STRIP2: variants seen among roughly 807,000 people sequenced by gnomAD.
The protein encoded by STRIP2 is striatin interacting protein 2.
In STRIP2, 84 loss-of-function variants were observed where a neutral mutation model predicts 107.1. The observed-to-expected ratio is 0.78, with a 90% CI of 0.66 to 0.94. The LOEUF is 0.94. Ranked by LOEUF, STRIP2 falls within the 40% of genes least tolerant of loss-of-function variation. STRIP2 has a pLI of 0.00. For synonymous variants in STRIP2, 394 were observed against 400.4 expected (o/e 0.98, Z 0.19); for missense variants, 888 against 1,034.2 (o/e 0.86, Z 1.94).
At chr7:129,468,910 C>T (rs1798731425) in intron 17 of STRIP2, among the ~76,000 whole-genome samples, 1 of 152,166 alleles carries the variant, frequency 6.6e-6, no homozygotes, top group African/African-American at 2.4e-5. Flanking sequence ...TGTAAGACAC[C>T]AGGCCTCTGT....
intron 3 of STRIP2, among the ~76,000 whole-genome samples, chr7:129,450,838 A>G (rs1335169028): frequency 1.3e-5 from 2 of 151,302 alleles, no homozygotes; most frequent in African/African-American, 4.9e-5. Context: ...CCCTCATCCA[A>G]GAGAAAAATG....
intron 1 of STRIP2, among the ~76,000 whole-genome samples, chr7:129,436,568 G>A (rs1359663220): frequency 2.6e-5 from 4 of 152,218 alleles, no homozygotes; most frequent in Non-Finnish European, 5.9e-5. Context: ...TGGCTGGAAA[G>A]ATTAGCTTTC....
intron 9 of STRIP2, among the ~76,000 whole-genome samples, chr7:129,457,531 T>C (rs1356127040): frequency 6.6e-6 from 1 of 152,232 alleles, no homozygotes; most frequent in Non-Finnish European, 1.5e-5. Flanking sequence ...CAAACTCCCC[T>C]GCCTGACCCA....
intron 17 of STRIP2, 36 bp downstream of exon 17, chr7:129,467,486 T>A: frequency 6.6e-7 from 1 of 1,510,210 alleles, no homozygotes. Context: ...CAAGGGGCTA[T>A]TTTGGGGTGG....
intron 3 of STRIP2, among the ~76,000 whole-genome samples, chr7:129,446,230 T>C (rs1798030628): frequency 6.6e-6 from 1 of 152,106 alleles, no homozygotes. Context: ...GGTCATCCTA[T>C]CCACTTGATT....
intron 1 of STRIP2, among the ~76,000 whole-genome samples, chr7:129,435,394 T>G (rs1441714836): frequency 6.6e-6 from 1 of 152,190 alleles, no homozygotes; most frequent in African/African-American, 2.4e-5. Context: ...GGGATCAGAA[T>G]AGACGACAAA....
In STRIP2 at chr7:129,486,396, T is replaced by C. The variant is rs1799244307; in HGVS notation, c.*567T>C. 6.4e-6 allele frequency: 1 copy of C among 156,852 alleles called. No homozygotes were observed. The highest frequency in any genetic ancestry group is 2.4e-5 in the African/African-American group (1 of 41,472). 9.7% of individuals were successfully genotyped at this position (156,852 alleles called of 1,614,324 possible). On this transcript the variant is annotated 3_prime_UTR_variant, in exon 21 of 21. Transcript: ENST00000249344. Reference sequence around the variant, plus strand: ...TGATGATTTACTATTCCCTCAATACTGCATGTTATCGAAAAGTGTGTTGTG... The same window carrying C: ...TGATGATTTACTATTCCCTCAATACCGCATGTTATCGAAAAGTGTGTTGTG...
At chr7:129,435,708 G>A (rs1249817049) in intron 1 of STRIP2, among the ~76,000 whole-genome samples, 1 of 152,172 alleles carries the variant, frequency 6.6e-6, no homozygotes, top group African/African-American at 2.4e-5. Flanking sequence ...ACTATAAAAT[G>A]TTTGGCACAG....
chr7:129,482,331 A>G (rs1430654064), intron 19 of STRIP2, among the ~76,000 whole-genome samples: 1 of 140,026 alleles, frequency 7.1e-6, no homozygotes, highest in Admixed American at 7.3e-5. Context: ...TGAATGGAAT[A>G]GTTCTCTCTC....
chr7:129,458,678 T>C lies in STRIP2; in HGVS notation c.1275-34T>C. On this transcript the variant is annotated intron_variant, in intron 10 of 20. Transcript: ENST00000249344. This position sits in a 1 kb window ranked among gnomAD's most constrained non-coding sequence, Gnocchi z 4.6. ...TCTCTCAAAGTTTGCTTTTCTTCCC[T>C]TCTCTGGGATTGGTCTTTCCACCAT... The C allele has an allele frequency of 6.2e-7, 1 of 1,613,198 alleles. No individual in the cohort carries two copies. The highest frequency in any genetic ancestry group is 8.5e-7 in the Non-Finnish European group (1 of 1,179,128).
rs1444894009 is a variant in STRIP2 at position 129,487,832 on chromosome 7, T to C, written c.*2003T>C. 6.6e-6 allele frequency: 1 copy of C among 152,186 alleles called. No homozygotes were observed. The highest frequency in any genetic ancestry group is 1.9e-4 in the East Asian group (1 of 5,202). The allele number at this position is 152,186 out of a possible 1,614,324, so 9.4% of individuals were successfully genotyped here. A position where few individuals can be genotyped will look rare whatever the true frequency, so the allele number is the denominator to read the frequency against. On this transcript the variant is annotated 3_prime_UTR_variant, in exon 21 of 21. Coordinates refer to ENST00000249344, the MANE Select transcript of STRIP2 (RefSeq NM_020704.3). ...TCAATTTATGTCAAGAACAAAGAAATTGCCCTTTTAAAAGCATGTACGTGA... is the reference window on the plus strand; with the variant it reads ...TCAATTTATGTCAAGAACAAAGAAACTGCCCTTTTAAAAGCATGTACGTGA...
chr7:129,452,427 G>A (rs1298308222), intron 4 of STRIP2, among the ~76,000 whole-genome samples: 2 of 152,100 alleles, frequency 1.3e-5, no homozygotes, highest in East Asian at 1.9e-4. Flanking sequence ...AAATGAAGAG[G>A]GGAAAGGGTG....
chr7:129,439,951 G>C (rs971159407), intron 1 of STRIP2, 71 bp from the exon 2 acceptor site: 24 of 1,187,720 alleles, frequency 2.0e-5, no homozygotes, highest in Admixed American at 1.9e-4. Flanking sequence ...AGATAAATAA[G>C]GGTACAGTCT....
intron 1 of STRIP2, 102 bp from the exon 2 acceptor site, chr7:129,439,920 T>C: frequency 1.1e-6 from 1 of 898,888 alleles, no homozygotes; most frequent in Non-Finnish European, 1.8e-6. Context: ...TGATCTAACC[T>C]TGGCCTCCAT....
chr7:129,476,806 T>C (rs960087610), intron 18 of STRIP2, among the ~76,000 whole-genome samples: 3 of 151,976 alleles, frequency 2.0e-5, no homozygotes, highest in African/African-American at 7.2e-5. Flanking sequence ...CTCGGCACTT[T>C]GGGAGGCCAA....
Position 129,454,516 on chromosome 7 carries a change from G to T in STRIP2, c.695G>T (p.Arg232Leu). Residue 232 changes from arginine to leucine, a missense_variant, in exon 7 of 21, where the codon CGC (arginine) becomes CTC (leucine). Coordinates refer to ENST00000249344, the MANE Select transcript of STRIP2 (RefSeq NM_020704.3). ...TGGAGAACAGCCCGGGAGACCTTCC[G>T]CACTGAATTAAGTAAGAAATGGCAC... ...CGWRTARETF[R>L]TELSFSMHNE... is the part of the protein sequence containing the mutation. 2 of 1,611,348 alleles carry T rather than the reference G, an allele frequency of 1.2e-6. No individual in the cohort carries two copies. Among genetic ancestry groups the T allele is most frequent in the Middle Eastern group, 3.3e-4 (2 of 6,058 alleles).
In STRIP2 at chr7:129,458,324, G is replaced by A. The variant is rs2242030; in HGVS notation, c.1148G>A (p.Arg383Gln). The A allele has an allele frequency of 0.011, 17,777 of 1,614,156 alleles. 1,769 individuals carry two copies. The East Asian group carries it at 0.27, about 24-fold the overall frequency. The change falls in exon 10 of 21, where the codon CGA (arginine) becomes CAA (glutamine). Residue 383 changes from arginine (R) to glutamine (Q), a missense_variant. Coordinates refer to ENST00000249344, the MANE Select transcript of STRIP2 (RefSeq NM_020704.3). This position sits in a 1 kb window ranked among gnomAD's most constrained non-coding sequence, Gnocchi z 4.6. Reference protein sequence around the residue: ...EEEESAGDGERTLDGELDLLE... With the variant: ...EEEESAGDGEQTLDGELDLLE... ...GAGGAGTCTGCTGGTGATGGAGAAC[G>A]AACCTTGGATGGAGAGCTAGACCTG...
rs576810280 is a variant in STRIP2 at position 129,486,830 on chromosome 7, T to G, written c.*1001T>G. On this transcript the variant is annotated 3_prime_UTR_variant, in exon 21 of 21. Coordinates refer to ENST00000249344, the MANE Select transcript of STRIP2 (RefSeq NM_020704.3). ...TTGCTAGCAGTTTCAAAGTGTCATG[T>G]GGAGATTTAGCAATACTGTCTCTAC... The G allele has an allele frequency of 6.6e-6, 1 of 152,164 alleles. No homozygotes were observed. 9.4% of individuals were successfully genotyped at this position (152,164 alleles called of 1,614,324 possible).
intron 9 of STRIP2, among the ~76,000 whole-genome samples, chr7:129,456,898 C>T (rs551382797): frequency 1.3e-5 from 2 of 152,224 alleles, no homozygotes; most frequent in East Asian, 3.9e-4. Context: ...GAATCATTGG[C>T]CTGGACCTCA....
Sources: allele counts gnomAD v4.1 joint callset (sites outside exome capture counted in the v4.1 genomes callset), GRCh38; gene constraint gnomAD v4.1.1; non-coding constraint Gnocchi (gnomAD v3.1); transcripts MANE v1.5; gene names NCBI Gene and HGNC (gene_info 2026-07-23, HGNC 2026-07-21).